The following PAFAH1B1 variants were observed in gnomAD, a reference collection of about 807,000 sequenced individuals.
PAFAH1B1 encodes the protein platelet activating factor acetylhydrolase 1b regulatory subunit 1, also known as platelet-activating factor acetylhydrolase IB subunit beta.
PAFAH1B1 carries 2 observed loss-of-function variants against 57.5 expected under a neutral mutation model. That is an observed-to-expected ratio of 0.03 (90% CI 0.01 to 0.11). PAFAH1B1 has a LOEUF of 0.11. PAFAH1B1 is among the 10% of genes least tolerant of loss of function. The pLI is 1.00. For missense variants in PAFAH1B1, 257 were observed against 512.0 expected (o/e 0.50, Z 4.81); for synonymous variants, 152 against 169.6 (o/e 0.90, Z 0.81).
intron 1 of PAFAH1B1, among the ~76,000 whole-genome samples, chr17:2,615,852 G>A (rs532391622): frequency 6.6e-6 from 1 of 152,302 alleles, no homozygotes; most frequent in East Asian, 1.9e-4. Flanking sequence ...GTCTGGTGTG[G>A]CAATAAGGAT....
chr17:2,671,591 A>C (rs926308574), intron 6 of PAFAH1B1, among the ~76,000 whole-genome samples: 100 of 91,014 alleles, frequency 1.1e-3, no homozygotes, highest in Admixed American at 1.8e-3. Context: ...TACCCCCAAC[A>C]CCACCTTTTT....
intron 2 of PAFAH1B1, among the ~76,000 whole-genome samples, chr17:2,638,897 C>CTTATTT (rs201618177): frequency 0.014 from 2,165 of 150,998 alleles, 65 homozygotes; most frequent in African/African-American, 0.051. Flanking sequence ...TTACCCTAAG[C>CTTATTT]TTATTTTTAT....
intron 2 of PAFAH1B1, 37 bp from the exon 3 acceptor site, chr17:2,665,335 G>A (rs780542798): frequency 1.0e-5 from 11 of 1,095,104 alleles, no homozygotes; most frequent in Non-Finnish European, 1.6e-5. Flanking sequence ...TAGAAATGAG[G>A]TCTTTTTTTT....
At chr17:2,624,095 G>A (rs1017174780) in intron 1 of PAFAH1B1, among the ~76,000 whole-genome samples, 7 of 152,202 alleles carry the variant, frequency 4.6e-5, no homozygotes, top group Non-Finnish European at 1.0e-4. Flanking sequence ...AATGCTGCCA[G>A]TCTCTTTGCT....
At chr17:2,626,564 C>T (rs868370821) in intron 1 of PAFAH1B1, among the ~76,000 whole-genome samples, 3,188 of 60,814 alleles carry the variant, frequency 0.052, 678 homozygotes, top group African/African-American at 0.15. Context: ...CCCCCCCCCC[C>T]CCCCCCCGAG....
chr17:2,663,959 C>T (rs1030711510), intron 2 of PAFAH1B1, among the ~76,000 whole-genome samples: 1 of 152,084 alleles, frequency 6.6e-6, no homozygotes, highest in Non-Finnish European at 1.5e-5. Context: ...TCCCAAAGTG[C>T]TGAGATTACA....
intron 1 of PAFAH1B1, among the ~76,000 whole-genome samples, chr17:2,626,818 G>A (rs906526126): frequency 6.6e-6 from 1 of 152,084 alleles, no homozygotes; most frequent in Non-Finnish European, 1.5e-5. Flanking sequence ...CTCCCAGAGT[G>A]CTGGGATTAC....
intron 2 of PAFAH1B1, among the ~76,000 whole-genome samples, chr17:2,656,514 A>G (rs547090741): frequency 3.8e-4 from 58 of 152,212 alleles, no homozygotes; most frequent in African/African-American, 1.3e-3. Context: ...GGTGGCAGTG[A>G]ATGACTACCA....
intron 1 of PAFAH1B1, among the ~76,000 whole-genome samples, chr17:2,626,031 A>G (rs1041711958): frequency 1.3e-5 from 2 of 152,108 alleles, no homozygotes; most frequent in Non-Finnish European, 2.9e-5. Flanking sequence ...CAGGTGGATC[A>G]CTTGAGGTCA....
chr17:2,617,520 AC>A (rs1355430968), intron 1 of PAFAH1B1, among the ~76,000 whole-genome samples: 2 of 152,164 alleles, frequency 1.3e-5, no homozygotes, highest in East Asian at 3.8e-4. Context: ...TGATAAACCA[AC>A]CTGATCTCTT....
In PAFAH1B1 at chr17:2,624,871, C is replaced by G. The variant is rs543788999; in HGVS notation, c.-190-13228C>G. Among the ~76,000 whole-genome samples the G allele has an allele frequency of 3.9e-5, 6 of 152,238 alleles. No individual in the cohort carries two copies. In the South Asian group the frequency reaches 1.2e-3, roughly 32 times the overall value. ...GCTGACCTTTTAAATAAAGCTTTGG[C>G]AAGTGACAGTTTGAGGTTAGGAACC... On this transcript the variant is annotated intron_variant, in intron 1 of 10. Transcript: ENST00000397195.
In PAFAH1B1 at chr17:2,681,980, G is replaced by C. The variant is rs2069391025; in HGVS notation, c.*178G>C. Reference sequence around the variant, plus strand: ...TATTCATGCATGGTGAATCCAAATTGTATACTGTAAATTTACATACGTTGT... The same window carrying C: ...TATTCATGCATGGTGAATCCAAATTCTATACTGTAAATTTACATACGTTGT... On this transcript the variant is annotated 3_prime_UTR_variant, in exon 11 of 11. Coordinates refer to ENST00000397195, the MANE Select transcript of PAFAH1B1 (RefSeq NM_000430.4). 6.9e-6 allele frequency: 4 copies of C among 579,116 alleles called. No homozygotes were observed. The South Asian group carries it at 9.3e-5, about 13-fold the overall frequency. The allele number at this position is 579,116 out of a possible 1,614,324, so 35.9% of individuals were successfully genotyped here. A position where few individuals can be genotyped will look rare whatever the true frequency, so the allele number is the denominator to read the frequency against.
intron 1 of PAFAH1B1, among the ~76,000 whole-genome samples, chr17:2,620,131 A>T (rs2068400231): frequency 6.6e-6 from 1 of 152,152 alleles, no homozygotes; most frequent in South Asian, 2.1e-4. Flanking sequence ...TTTTTAGTAT[A>T]TTCAGAAGAA....
Position 2,685,350 on chromosome 17 carries a change from CACTG to C in PAFAH1B1, c.*3551_*3554del, listed in dbSNP as rs1477429514. The C allele has an allele frequency of 6.6e-6, 1 of 152,596 alleles. No individual in the cohort carries two copies. The highest frequency in any genetic ancestry group is 2.4e-5 in the African/African-American group (1 of 41,432). The allele number at this position is 152,596 out of a possible 1,614,324, so 9.5% of individuals were successfully genotyped here. A position where few individuals can be genotyped will look rare whatever the true frequency, so the allele number is the denominator to read the frequency against. ...CTCTTCGAGTTAAAGTTGATCCTGA[CACTG>C]ACATGAAGGCAAGCCTTGATTTCGT... On this transcript the variant is annotated 3_prime_UTR_variant, in exon 11 of 11. Transcript: ENST00000397195.
intron 2 of PAFAH1B1, among the ~76,000 whole-genome samples, chr17:2,644,916 T>G (rs1418256391): frequency 1.3e-5 from 2 of 152,300 alleles, no homozygotes; most frequent in East Asian, 3.9e-4. Flanking sequence ...TAATTTCAGA[T>G]GACTAAATTT....
At chr17:2,624,637 T>C (rs2068465487) in intron 1 of PAFAH1B1, among the ~76,000 whole-genome samples, 1 of 152,156 alleles carries the variant, frequency 6.6e-6, no homozygotes, top group Non-Finnish European at 1.5e-5. Flanking sequence ...CGTGATTCAG[T>C]TACCTCCCGC....
intron 4 of PAFAH1B1, 97 bp downstream of exon 4, chr17:2,666,187 C>T (rs1306733881): frequency 1.8e-6 from 2 of 1,094,436 alleles, no homozygotes; most frequent in Non-Finnish European, 2.6e-6. Flanking sequence ...TGCATCTAAT[C>T]TTTAAAAAGC....
intron 1 of PAFAH1B1, among the ~76,000 whole-genome samples, chr17:2,636,625 C>G (rs999994428): frequency 6.6e-6 from 1 of 152,114 alleles, no homozygotes; most frequent in Non-Finnish European, 1.5e-5. Flanking sequence ...TCGCAAACTC[C>G]TCACCTCAAG....
intron 1 of PAFAH1B1, among the ~76,000 whole-genome samples, chr17:2,618,775 G>A (rs2068380208): frequency 1.3e-5 from 2 of 149,902 alleles, no homozygotes; most frequent in African/African-American, 4.9e-5. Flanking sequence ...GGCCTCACGA[G>A]TAGCTGGGAT....
Sources: gnomAD v4.1 joint callset for allele counts (sites outside exome capture counted in the v4.1 genomes callset) on GRCh38, gnomAD v4.1.1 for gene constraint, MANE v1.5 for transcripts, NCBI Gene and HGNC (gene_info 2026-07-23, HGNC 2026-07-21) for gene names.